The following MAGI2 variants were observed in gnomAD, a reference collection of about 807,000 sequenced individuals.
The protein encoded by MAGI2 is membrane associated guanylate kinase, WW and PDZ domain containing 2, also known as membrane-associated guanylate kinase, WW and PDZ domain-containing protein 2.
Under a neutral mutation model 133.3 loss-of-function variants are expected in MAGI2, and 35 were observed. The observed-to-expected ratio is 0.26, with a 90% CI of 0.20 to 0.35. The LOEUF is 0.35. Among genes scored for constraint, MAGI2 ranks in the 10% least tolerant of loss-of-function variants. The pLI, the probability that MAGI2 is intolerant of heterozygous loss-of-function variation, is 1.00. For missense variants in MAGI2, 1,636 were observed against 1,863.4 expected, an observed-to-expected ratio of 0.88 and a Z score of 2.25; for synonymous variants, 729 against 710.6, an observed-to-expected ratio of 1.03 and a Z score of -0.41.
intron 9 of MAGI2, among the ~76,000 whole-genome samples, chr7:78,291,567 T>C (rs1048185985): frequency 8.5e-5 from 13 of 152,154 alleles, no homozygotes; most frequent in African/African-American, 2.9e-4. Context: ...AGGGAATCCT[T>C]CCTAACTCAT....
chr7:79,177,429 T>G (rs984323646), intron 1 of MAGI2, among the ~76,000 whole-genome samples: 2 of 152,052 alleles, frequency 1.3e-5, no homozygotes, highest in African/African-American at 4.8e-5. Context: ...TTATGGTAGA[T>G]AATGTCCTCT....
Position 78,145,828 on chromosome 7 carries a change from G to C in MAGI2, c.2846-10622C>G, listed in dbSNP as rs147850900. 2.0e-5 allele frequency among the ~76,000 whole-genome samples: 3 copies of C among 152,174 alleles called. No homozygotes were observed. The East Asian group carries it at 5.8e-4, about 29-fold the overall frequency. ...CATATGTTGGAGTGAGAGAGCTCTG[G>C]TCTTTTCATCTTCTTATGAGGGCAC... On this transcript the variant is annotated intron_variant, in intron 16 of 21. Transcript: ENST00000354212.
At chr7:78,778,528 A>C (rs2151334246) in intron 2 of MAGI2, among the ~76,000 whole-genome samples, 1 of 152,324 alleles carries the variant, frequency 6.6e-6, no homozygotes, top group Non-Finnish European at 1.5e-5. Context: ...AATTTATAGA[A>C]CATCTAAACT....
At chr7:79,146,827 T>A (rs1375961664) in intron 1 of MAGI2, among the ~76,000 whole-genome samples, 1 of 152,216 alleles carries the variant, frequency 6.6e-6, no homozygotes, top group Non-Finnish European at 1.5e-5. Flanking sequence ...GCTAACACAA[T>A]GGATAATGTC....
At chr7:78,648,936 C>A (rs1287099647) in intron 2 of MAGI2, among the ~76,000 whole-genome samples, 1 of 152,018 alleles carries the variant, frequency 6.6e-6, no homozygotes, top group Non-Finnish European at 1.5e-5. Context: ...AGGTCTACAA[C>A]AATTTTCACC....
At chr7:78,148,294 G>A (rs1371422164) in intron 16 of MAGI2, among the ~76,000 whole-genome samples, 1 of 152,164 alleles carries the variant, frequency 6.6e-6, no homozygotes, top group Non-Finnish European at 1.5e-5. Flanking sequence ...AGACTGAAAA[G>A]GCTACATGCT....
At chr7:78,317,463 C>A (rs1027741569) in intron 9 of MAGI2, among the ~76,000 whole-genome samples, 2 of 152,144 alleles carry the variant, frequency 1.3e-5, no homozygotes, top group African/African-American at 4.8e-5. Context: ...GATAAGAATG[C>A]GCATCAGCAT....
At chr7:78,317,921 C>G (rs1021146425) in intron 9 of MAGI2, among the ~76,000 whole-genome samples, 3 of 152,148 alleles carry the variant, frequency 2.0e-5, no homozygotes, top group Non-Finnish European at 2.9e-5. Flanking sequence ...GGAATAGCAT[C>G]AGCATCAACA....
chr7:78,959,953 C>T (rs1006501437), intron 2 of MAGI2, among the ~76,000 whole-genome samples: 7 of 152,004 alleles, frequency 4.6e-5, no homozygotes, highest in Admixed American at 2.0e-4. Flanking sequence ...TGGCTAATTT[C>T]AATATGTAAC....
At chr7:79,068,880 T>G (rs181402903) in intron 1 of MAGI2, among the ~76,000 whole-genome samples, 215 of 152,344 alleles carry the variant, frequency 1.4e-3, no homozygotes, top group Non-Finnish European at 2.6e-3. Context: ...TTGTACAGTT[T>G]CCATGTAGAT....
At chr7:78,682,443 A>G (rs1327590995) in intron 2 of MAGI2, among the ~76,000 whole-genome samples, 1 of 151,974 alleles carries the variant, frequency 6.6e-6, no homozygotes, top group Non-Finnish European at 1.5e-5. Context: ...CTCATTGTTC[A>G]ACTCCCACTT....
chr7:78,081,617 G>T (rs1004527530), intron 20 of MAGI2, among the ~76,000 whole-genome samples: 3 of 152,188 alleles, frequency 2.0e-5, no homozygotes, highest in Non-Finnish European at 4.4e-5. Context: ...AGTAGCATAT[G>T]TAAAGGCTGC....
chr7:78,259,182 A>G (rs934914433), intron 9 of MAGI2, among the ~76,000 whole-genome samples: 1 of 151,862 alleles, frequency 6.6e-6, no homozygotes, highest in Non-Finnish European at 1.5e-5. Context: ...CATTTCCTCA[A>G]TTTCCTATTC....
intron 1 of MAGI2, among the ~76,000 whole-genome samples, chr7:79,104,464 C>T (rs1041029993): frequency 2.0e-5 from 3 of 152,106 alleles, no homozygotes; most frequent in South Asian, 2.1e-4. Flanking sequence ...GTCAAGAGAT[C>T]GAGACCATCC....
At chr7:79,172,311 G>A (rs772917198) in intron 1 of MAGI2, among the ~76,000 whole-genome samples, 1 of 152,028 alleles carries the variant, frequency 6.6e-6, no homozygotes, top group South Asian at 2.1e-4. Context: ...CATTATAGAT[G>A]TTAAGAAACC....
At chr7:79,036,805 A>T (rs1306059526) in intron 1 of MAGI2, among the ~76,000 whole-genome samples, 1 of 152,230 alleles carries the variant, frequency 6.6e-6, no homozygotes, top group African/African-American at 2.4e-5. Flanking sequence ...TGAATGAATA[A>T]AATAACCGCC....
intron 1 of MAGI2, among the ~76,000 whole-genome samples, chr7:79,445,473 AAAAC>A (rs1457433018): frequency 2.6e-5 from 4 of 152,318 alleles, no homozygotes; most frequent in South Asian, 2.1e-4. Flanking sequence ...TTACAAGAAA[AAAAC>A]AAACAACCCC....
intron 1 of MAGI2, among the ~76,000 whole-genome samples, chr7:79,055,588 T>G (rs769749704): frequency 1.3e-5 from 2 of 152,134 alleles, no homozygotes; most frequent in Non-Finnish European, 2.9e-5. Flanking sequence ...CCAGAGCACT[T>G]ATTTATTTAT....
chr7:78,731,802 G>C (rs1821389775), intron 2 of MAGI2, among the ~76,000 whole-genome samples: 1 of 152,080 alleles, frequency 6.6e-6, no homozygotes. Context: ...ATGGATTTAA[G>C]TAAGTTGTTC....
Sources: allele counts gnomAD v4.1 joint callset (sites outside exome capture counted in the v4.1 genomes callset), GRCh38; gene constraint gnomAD v4.1.1; transcripts MANE v1.5; gene names NCBI Gene and HGNC (gene_info 2026-07-23, HGNC 2026-07-21).